Variants in CSRNP3 observed in about 807,000 individuals in gnomAD.
CSRNP3 encodes the protein cysteine/serine-rich nuclear protein 3.
Under a neutral mutation model 48.0 loss-of-function variants are expected in CSRNP3, and 12 were observed. That is an observed-to-expected ratio of 0.25 (90% CI 0.16 to 0.41). The LOEUF (loss-of-function observed/expected upper bound fraction) is 0.41. CSRNP3 is among the 10% of genes least tolerant of loss of function. The pLI is 1.00. For synonymous variants in CSRNP3, 263 were observed against 269.7 expected, an observed-to-expected ratio of 0.98 and a Z score of 0.24; for missense variants, 580 against 724.4, an observed-to-expected ratio of 0.80 and a Z score of 2.29.
At chr2:165,588,232 T>C (rs1685662127) in intron 3 of CSRNP3, among the ~76,000 whole-genome samples, 2 of 152,184 alleles carry the variant, frequency 1.3e-5, no homozygotes, top group African/African-American at 4.8e-5. Flanking sequence ...TTATTAGAGC[T>C]GAAATATCAA....
chr2:165,616,109 G>T (rs1431602844), intron 4 of CSRNP3, among the ~76,000 whole-genome samples: 3 of 151,894 alleles, frequency 2.0e-5, no homozygotes, highest in Admixed American at 2.0e-4. Context: ...ATTGGGTTTT[G>T]TGTTTTTATC....
At chr2:165,627,991 C>T (rs1397418710) in intron 4 of CSRNP3, among the ~76,000 whole-genome samples, 3 of 152,254 alleles carry the variant, frequency 2.0e-5, no homozygotes, top group Non-Finnish European at 2.9e-5. Context: ...GTTAATGCTT[C>T]GAAATGTTTG....
chr2:165,557,326 C>T (rs1415658722), intron 3 of CSRNP3, among the ~76,000 whole-genome samples: 1 of 152,174 alleles, frequency 6.6e-6, no homozygotes, highest in East Asian at 1.9e-4. Context: ...GAGTTGAGTA[C>T]TTGTGACGGC....
At chr2:165,595,302 T>G in intron 4 of CSRNP3, 89 bp downstream of exon 4, 2 of 1,231,048 alleles carry the variant, frequency 1.6e-6, no homozygotes, top group Non-Finnish European at 2.3e-6. Context: ...TCATGCTAGC[T>G]ATATATATTT....
chr2:165,684,375 T>G lies in CSRNP3; in HGVS notation c.*4622T>G, dbSNP rs1252107110. 1 of 152,094 alleles carries G rather than the reference T, an allele frequency of 6.6e-6. No homozygotes were observed. Among genetic ancestry groups the G allele is most frequent in the East Asian group, 1.9e-4 (1 of 5,194 alleles). The allele number at this position is 152,094 out of a possible 1,614,324, so 9.4% of individuals were successfully genotyped here. On this transcript the variant is annotated 3_prime_UTR_variant, in exon 7 of 7. Transcript: ENST00000651982. ...CTCCAAACAACTCAATATTTCTCTT[T>G]AAAATGGCATCTCTGTTCCTTATTC...
At chr2:165,668,272 A>G (rs748702443) in intron 5 of CSRNP3, among the ~76,000 whole-genome samples, 2 of 152,130 alleles carry the variant, frequency 1.3e-5, no homozygotes, top group African/African-American at 4.8e-5. Flanking sequence ...CCACCTCCAC[A>G]TGCCCAAAAA....
intron 4 of CSRNP3, among the ~76,000 whole-genome samples, chr2:165,634,985 T>C (rs1303366890): frequency 1.3e-5 from 2 of 152,192 alleles, no homozygotes; most frequent in Non-Finnish European, 2.9e-5. Context: ...GGCTATTGAA[T>C]CCAGCCAGTG....
chr2:165,650,185 G>T (rs1227331939), intron 4 of CSRNP3, among the ~76,000 whole-genome samples: 1 of 152,030 alleles, frequency 6.6e-6, no homozygotes, highest in Non-Finnish European at 1.5e-5. Context: ...TACCTTATTT[G>T]AGCAAATTAA....
At chr2:165,493,189 C>A (rs951057931) in intron 1 of CSRNP3, among the ~76,000 whole-genome samples, 3 of 151,570 alleles carry the variant, frequency 2.0e-5, no homozygotes, top group Non-Finnish European at 4.4e-5. Flanking sequence ...GTGGTCAGTC[C>A]CTAGTTTGCT....
intron 4 of CSRNP3, among the ~76,000 whole-genome samples, chr2:165,599,312 A>AGAAAGAAAGAAAGAAAGAAAGAAG (rs1685867784): frequency 6.6e-6 from 1 of 150,844 alleles, no homozygotes; most frequent in Non-Finnish European, 1.5e-5. Flanking sequence ...AAAGAAAGAA[A>AGAAAGAAAGAAAGAAAGAAAGAAG]GAAAGAAAGA....
At chr2:165,538,710 C>T (rs962546882) in intron 3 of CSRNP3, among the ~76,000 whole-genome samples, 2 of 151,836 alleles carry the variant, frequency 1.3e-5, no homozygotes, top group Admixed American at 6.6e-5. Context: ...CCCTTACTTT[C>T]TGTTGAAGTG....
intron 3 of CSRNP3, among the ~76,000 whole-genome samples, chr2:165,525,862 T>G (rs1176310011): frequency 6.6e-6 from 1 of 152,192 alleles, no homozygotes; most frequent in Non-Finnish European, 1.5e-5. Context: ...CTAAATGTAT[T>G]ATAATTTTAT....
intron 3 of CSRNP3, among the ~76,000 whole-genome samples, chr2:165,565,020 T>C (rs958900423): frequency 6.6e-6 from 1 of 152,054 alleles, no homozygotes; most frequent in South Asian, 2.1e-4. Flanking sequence ...TGTGAGTGAC[T>C]GGGAAACAGT....
At chr2:165,660,474 C>G (rs12623368) in intron 5 of CSRNP3, among the ~76,000 whole-genome samples, 68,137 of 151,868 alleles carry the variant, frequency 0.45, 15,326 homozygotes, top group East Asian at 0.55. Context: ...GTCATCCTCT[C>G]TGGGGTCTGG....
intron 3 of CSRNP3, among the ~76,000 whole-genome samples, chr2:165,582,820 C>A (rs1685569858): frequency 6.6e-6 from 1 of 152,194 alleles, no homozygotes; most frequent in Non-Finnish European, 1.5e-5. Flanking sequence ...AATTCTCAAA[C>A]TGCAAATCAT....
Position 165,595,049 on chromosome 2 carries a change from GT to G in CSRNP3, c.-16del, listed in dbSNP as rs1404549920. 1 of 1,613,644 alleles carries G rather than the reference GT, an allele frequency of 6.2e-7. No individual in the cohort carries two copies. The highest frequency in any genetic ancestry group is 1.3e-5 in the African/African-American group (1 of 74,908). ...GCTCTCCTTCCTGTTACAGGTACAT[GT>G]GACAGCACTGCAGCGATGAGTGGAA... is the stretch of plus-strand genomic sequence containing the variant. On this transcript the variant is annotated 5_prime_UTR_variant, in exon 4 of 7. The change abolishes the stop of an existing upstream ORF in the 5' untranslated region. Transcript: ENST00000651982.
intron 4 of CSRNP3, among the ~76,000 whole-genome samples, chr2:165,649,659 G>A (rs570910620): frequency 6.6e-6 from 1 of 152,296 alleles, no homozygotes; most frequent in South Asian, 2.1e-4. Flanking sequence ...GAATATATCA[G>A]CAAGAAATAG....
rs113462540 is a variant in CSRNP3 at position 165,485,942 on chromosome 2, C to G, written c.-282-8817C>G. ...AAATAATTAACAAAGCTAGGAGGAG[C>G]CAAGATGGCCGAATAGGAACAGCTC... On this transcript the variant is annotated intron_variant, in intron 1 of 6. Coordinates refer to ENST00000651982, the MANE Select transcript of CSRNP3 (RefSeq NM_001172173.2). 7.1e-3 allele frequency among the ~76,000 whole-genome samples: 1,076 copies of G among 152,156 alleles called. 16 individuals are homozygous for G. Among genetic ancestry groups the G allele is most frequent in the African/African-American group, 0.023 (946 of 41,522 alleles).
At chr2:165,656,322 G>A (rs1687003848) in intron 4 of CSRNP3, among the ~76,000 whole-genome samples, 1 of 152,122 alleles carries the variant, frequency 6.6e-6, no homozygotes. Flanking sequence ...TACAAAGTGT[G>A]GCCCTCTTCT....
Sources: allele counts gnomAD v4.1 joint callset (sites outside exome capture counted in the v4.1 genomes callset), GRCh38; gene constraint gnomAD v4.1.1; transcripts MANE v1.5; gene names NCBI Gene and HGNC (gene_info 2026-07-23, HGNC 2026-07-21).